SPMIP2: variants seen among roughly 807,000 people sequenced by gnomAD.
SPMIP2 encodes sperm microtubule inner protein 2.
At chr4:159,054,031 T>C in the SPMIP2 span, among the ~76,000 whole-genome samples, 3 of 152,180 alleles carry the variant, frequency 2.0e-5, no homozygotes, top group African/African-American at 7.2e-5. Flanking sequence ...TGGAGTATAG[T>C]GGTGCAATCG....
At chr4:158,912,831 A>G in the SPMIP2 span, among the ~76,000 whole-genome samples, 7 of 152,226 alleles carry the variant, frequency 4.6e-5, no homozygotes. Flanking sequence ...ATTATTTTGA[A>G]TGATTCAGTA....
chr4:158,927,726 G>T, the SPMIP2 span, among the ~76,000 whole-genome samples: 12 of 152,244 alleles, frequency 7.9e-5, no homozygotes, highest in Non-Finnish European at 2.9e-5. Flanking sequence ...GGGAACCCGG[G>T]CTGCGCAAGG....
At chr4:158,898,809 A>G in the SPMIP2 span, among the ~76,000 whole-genome samples, 1 of 152,138 alleles carries the variant, frequency 6.6e-6, no homozygotes, top group South Asian at 2.1e-4. Context: ...CTCTCTTCCT[A>G]TTTGAATACG....
At chr4:158,900,125 G>T in the SPMIP2 span, among the ~76,000 whole-genome samples, 2 of 152,208 alleles carry the variant, frequency 1.3e-5, no homozygotes, top group Non-Finnish European at 2.9e-5. Context: ...TCAGGAGCAG[G>T]TTGTACAGTT....
the SPMIP2 span, among the ~76,000 whole-genome samples, chr4:159,021,864 G>A: frequency 1.3e-5 from 2 of 152,220 alleles, no homozygotes; most frequent in African/African-American, 2.4e-5. Flanking sequence ...CCTGGTGAGG[G>A]GTGGTGATCA....
chr4:159,046,907 A>C, the SPMIP2 span, among the ~76,000 whole-genome samples: 1 of 152,240 alleles, frequency 6.6e-6, no homozygotes, highest in Non-Finnish European at 1.5e-5. Context: ...CAGCCTGTTA[A>C]GCATCAAAGC....
the SPMIP2 span, among the ~76,000 whole-genome samples, chr4:159,039,474 A>G: frequency 2.6e-5 from 4 of 152,340 alleles, 1 homozygote; most frequent in East Asian, 7.7e-4. Flanking sequence ...TTGGCTGACT[A>G]GTGAGTAGTG....
the SPMIP2 span, among the ~76,000 whole-genome samples, chr4:158,978,753 T>G: frequency 6.6e-6 from 1 of 152,190 alleles, no homozygotes; most frequent in African/African-American, 2.4e-5. Context: ...GCTTTTTTTT[T>G]GCTTTCCACT....
At chr4:158,963,119 T>C in the SPMIP2 span, among the ~76,000 whole-genome samples, 2 of 152,156 alleles carry the variant, frequency 1.3e-5, no homozygotes, top group African/African-American at 2.4e-5. Context: ...ATGTTTCTAG[T>C]GTGCTTGTAA....
chr4:159,000,761 C>T, the SPMIP2 span, among the ~76,000 whole-genome samples: 1 of 25,018 alleles, frequency 4.0e-5, no homozygotes, highest in African/African-American at 9.9e-5. Context: ...GCTGGGATTA[C>T]AGGTGTGAGC....
the SPMIP2 span, among the ~76,000 whole-genome samples, chr4:158,962,048 T>A: frequency 6.6e-6 from 1 of 152,158 alleles, no homozygotes; most frequent in Admixed American, 6.6e-5. Flanking sequence ...CAACTCCAAT[T>A]TGGATATTTC....
the SPMIP2 span, among the ~76,000 whole-genome samples, chr4:158,982,424 C>A: frequency 6.6e-6 from 1 of 152,194 alleles, no homozygotes; most frequent in African/African-American, 2.4e-5. Flanking sequence ...AATATACATT[C>A]TTCTCAGCAC....
At chr4:158,996,133 A>G in the SPMIP2 span, among the ~76,000 whole-genome samples, 2 of 152,316 alleles carry the variant, frequency 1.3e-5, no homozygotes, top group East Asian at 3.9e-4. Context: ...TTGCTGAAAG[A>G]AGACTGCTTG....
At chr4:158,934,734 G>A in the SPMIP2 span, among the ~76,000 whole-genome samples, 6 of 152,078 alleles carry the variant, frequency 3.9e-5, no homozygotes, top group Admixed American at 6.5e-5. Flanking sequence ...CCACCCAAGA[G>A]AGACATATCA....
chr4:159,073,875 G>T, the SPMIP2 span, among the ~76,000 whole-genome samples: 1 of 152,046 alleles, frequency 6.6e-6, no homozygotes, highest in Non-Finnish European at 1.5e-5. Context: ...ATCATGGCAG[G>T]CATCTGTAAT....
At chr4:158,933,647 T>C in the SPMIP2 span, among the ~76,000 whole-genome samples, 1 of 152,172 alleles carries the variant, frequency 6.6e-6, no homozygotes, top group Non-Finnish European at 1.5e-5. Flanking sequence ...CATTGCCTTC[T>C]TAGAAACCCT....
At chr4:159,050,621 G>A in the SPMIP2 span, among the ~76,000 whole-genome samples, 2 of 151,978 alleles carry the variant, frequency 1.3e-5, no homozygotes, top group African/African-American at 2.4e-5. Context: ...TGGGCAACAT[G>A]GCTAAACCCC....
chr4:158,995,961 G>T, the SPMIP2 span, among the ~76,000 whole-genome samples: 1 of 151,558 alleles, frequency 6.6e-6, no homozygotes, highest in East Asian at 1.9e-4. Flanking sequence ...TCATTTGTGT[G>T]CTGAGGTTTC....
At chr4:158,975,654 C>A in the SPMIP2 span, among the ~76,000 whole-genome samples, 1 of 152,288 alleles carries the variant, frequency 6.6e-6, no homozygotes, top group South Asian at 2.1e-4. Context: ...TACCATTGGT[C>A]TACATATCTA....
Sources: allele counts gnomAD v4.1 joint callset (sites outside exome capture counted in the v4.1 genomes callset), GRCh38; gene constraint gnomAD v4.1.1; transcripts MANE v1.5; gene names NCBI Gene and HGNC (gene_info 2026-07-23, HGNC 2026-07-21).